PRORP: variants seen among roughly 807,000 people sequenced by gnomAD.
PRORP encodes the protein protein only RNase P catalytic subunit.
In PRORP, 51 loss-of-function variants were observed where a neutral mutation model predicts 59.4. That is an observed-to-expected ratio of 0.86 (90% CI 0.69 to 1.08). The LOEUF (loss-of-function observed/expected upper bound fraction) is 1.08. Among genes scored for constraint, PRORP ranks in the 50% least tolerant of loss-of-function variants. PRORP has a pLI of 0.00. For synonymous variants in PRORP, 231 were observed against 245.6 expected, an observed-to-expected ratio of 0.94 and a Z score of 0.55; for missense variants, 646 against 690.3, an observed-to-expected ratio of 0.94 and a Z score of 0.72.
At chr14:35,193,509 C>T (rs997272982) in intron 5 of PRORP, among the ~76,000 whole-genome samples, 7 of 152,086 alleles carry the variant, frequency 4.6e-5, no homozygotes, top group South Asian at 2.1e-4. Flanking sequence ...TTTTTTCTGC[C>T]ACTCAAGTTA....
At chr14:35,235,356 C>G in intron 5 of PRORP, 1 of 702,998 alleles carries the variant, frequency 1.4e-6, no homozygotes, top group Non-Finnish European at 2.6e-6. Context: ...TCCGAGTTAA[C>G]CTGTGTAAAG....
At chr14:35,179,768 T>G (rs60871552) in intron 4 of PRORP, among the ~76,000 whole-genome samples, 9,060 of 152,292 alleles carry the variant, frequency 0.059, 487 homozygotes, top group Admixed American at 0.18. Flanking sequence ...TTTGTTCTGT[T>G]GCTGGCGAGG....
intron 4 of PRORP, among the ~76,000 whole-genome samples, chr14:35,179,107 T>C (rs1200464519): frequency 6.6e-6 from 1 of 152,242 alleles, no homozygotes; most frequent in African/African-American, 2.4e-5. Context: ...TGCCTAGAGA[T>C]CCGCTGTTAG....
rs146116667 is a variant in PRORP at position 35,141,702 on chromosome 14, C to G, written c.1167+14091C>G. Among the ~76,000 whole-genome samples the G allele has an allele frequency of 9.6e-5, 14 of 145,626 alleles. 2 individuals carry two copies. In the East Asian group the frequency reaches 3.2e-3, roughly 34 times the overall value. Reference sequence around the variant, plus strand: ...GAGACTAACATAATGGACCCCCATCCTCCATGATTATTAACTCATGACCAC... The same window carrying G: ...GAGACTAACATAATGGACCCCCATCGTCCATGATTATTAACTCATGACCAC... On this transcript the variant is annotated intron_variant, in intron 4 of 7. Coordinates refer to ENST00000534898, the MANE Select transcript of PRORP (RefSeq NM_014672.4).
upstream of PRORP, chr14:35,121,932 G>A (rs2046917393): frequency 1.2e-6 from 2 of 1,614,036 alleles, no homozygotes; most frequent in South Asian, 1.1e-5. Flanking sequence ...GTCGCTAGGC[G>A]CCGACGAAGA....
chr14:35,151,524 A>G (rs2047745735), intron 4 of PRORP, among the ~76,000 whole-genome samples: 1 of 151,928 alleles, frequency 6.6e-6, no homozygotes, highest in African/African-American at 2.4e-5. Flanking sequence ...GGTCAGAATC[A>G]TCCTTGATTC....
At chr14:35,237,021 C>CCTTCTCTT (rs1237992413) in intron 5 of PRORP, among the ~76,000 whole-genome samples, 2 of 143,356 alleles carry the variant, frequency 1.4e-5, no homozygotes, top group East Asian at 4.0e-4. Flanking sequence ...TTCCTTCCCT[C>CCTTCTCTT]CTTCTCTTCC....
At chr14:35,160,728 CATTA>C (rs2048036510) in intron 4 of PRORP, among the ~76,000 whole-genome samples, 1 of 152,064 alleles carries the variant, frequency 6.6e-6, no homozygotes, top group Non-Finnish European at 1.5e-5. Flanking sequence ...TTTTTGTTGT[CATTA>C]ATTTGGTCTT....
intron 5 of PRORP, among the ~76,000 whole-genome samples, chr14:35,226,416 TA>T (rs1042240433): frequency 6.6e-6 from 1 of 152,196 alleles, no homozygotes; most frequent in Admixed American, 6.5e-5. Flanking sequence ...TACTTTTAGC[TA>T]AGGAGGGATC....
intron 4 of PRORP, among the ~76,000 whole-genome samples, chr14:35,178,407 T>C (rs1416108289): frequency 6.6e-6 from 1 of 152,232 alleles, no homozygotes; most frequent in Non-Finnish European, 1.5e-5. Flanking sequence ...GAGGACTTGC[T>C]TTATGAATCT....
chr14:35,208,149 CAAA>C (rs746541203), intron 5 of PRORP, among the ~76,000 whole-genome samples: 1 of 135,950 alleles, frequency 7.4e-6, no homozygotes, highest in African/African-American at 2.8e-5. Flanking sequence ...GACTCCATCT[CAAA>C]AAAAAAAAAA....
In PRORP at chr14:35,181,152, G is replaced by C. The variant is rs76775960; in HGVS notation, c.1275+375G>C. ...GAAAATTATCAATATACAATATCAA[G>C]AGATATTAATCACTCATTACTCACA... is the stretch of plus-strand genomic sequence containing the variant. On this transcript the variant is annotated intron_variant, in intron 5 of 7. Transcript: ENST00000534898. Among the ~76,000 whole-genome samples the C allele has an allele frequency of 1.9e-3, 294 of 152,112 alleles. 1 individual carries two copies. The highest frequency in any genetic ancestry group is 6.7e-3 in the African/African-American group (276 of 41,500).
At chr14:35,237,112 C>T (rs1365894883) in intron 5 of PRORP, among the ~76,000 whole-genome samples, 7 of 146,920 alleles carry the variant, frequency 4.8e-5, no homozygotes, top group African/African-American at 9.9e-5. Context: ...TTCTCTCTCT[C>T]GACAGAGTCT....
chr14:35,247,984 G>T (rs2050524322), intron 5 of PRORP, among the ~76,000 whole-genome samples: 1 of 152,094 alleles, frequency 6.6e-6, no homozygotes, highest in Admixed American at 6.6e-5. Context: ...TGACTGTGTG[G>T]GTGCTAATGG....
intron 4 of PRORP, among the ~76,000 whole-genome samples, chr14:35,162,488 A>G (rs1004563690): frequency 6.6e-6 from 1 of 152,074 alleles, no homozygotes; most frequent in African/African-American, 2.4e-5. Context: ...AGAGGCACTT[A>G]TATTTATTTT....
At chr14:35,196,812 T>G (rs1217667354) in intron 5 of PRORP, among the ~76,000 whole-genome samples, 3 of 152,164 alleles carry the variant, frequency 2.0e-5, no homozygotes, top group African/African-American at 7.2e-5. Context: ...AAGAGTTATG[T>G]TTTGTCATGT....
chr14:35,258,489 C>T (rs945669603), intron 5 of PRORP, among the ~76,000 whole-genome samples: 2 of 152,016 alleles, frequency 1.3e-5, no homozygotes. Flanking sequence ...GAAACAGAAA[C>T]CCCAAATCAG....
At chr14:35,210,619 A>G (rs1235238293) in intron 5 of PRORP, among the ~76,000 whole-genome samples, 1 of 151,398 alleles carries the variant, frequency 6.6e-6, no homozygotes, top group Non-Finnish European at 1.5e-5. Context: ...AAATCAACAC[A>G]TGCAACTAGC....
intron 5 of PRORP, among the ~76,000 whole-genome samples, chr14:35,181,221 A>G (rs532302445): frequency 8.5e-5 from 13 of 152,094 alleles, no homozygotes; most frequent in South Asian, 6.2e-4. Context: ...TAACCTAAGC[A>G]GTTTTTTTTT....
Sources: gnomAD v4.1 joint callset for allele counts (sites outside exome capture counted in the v4.1 genomes callset) on GRCh38, gnomAD v4.1.1 for gene constraint, MANE v1.5 for transcripts, NCBI Gene and HGNC (gene_info 2026-07-23, HGNC 2026-07-21) for gene names.